Variants in CUBN observed in about 807,000 individuals in gnomAD.
The protein encoded by CUBN is 460 kDa receptor.
In CUBN, 282 loss-of-function variants were observed where a neutral mutation model predicts 405.3. The ratio of observed to expected loss-of-function variants is 0.70; its 90% CI spans 0.63 to 0.77. The LOEUF (loss-of-function observed/expected upper bound fraction) is 0.77. CUBN is among the 30% of genes least tolerant of loss of function. The probability of loss-of-function intolerance (pLI) is 0.00; values close to 1 mark genes in which losing one functional copy is unlikely to be tolerated. For synonymous variants in CUBN, 1,684 were observed against 1,617.0 expected (o/e 1.04, Z -0.99); for missense variants, 4,514 against 4,475.2 (o/e 1.01, Z -0.25).
Position 17,085,735 on chromosome 10 carries a change from C to G in CUBN, c.1972G>C (p.Asp658His). Reference sequence around the variant, plus strand: ...GTGCAGAACTTCCCAAGAAGGGGGTCCTGATACAAAGGACCATCTCGAATC... The same window carrying G: ...GTGCAGAACTTCCCAAGAAGGGGGTGCTGATACAAAGGACCATCTCGAATC... ...LEIRDGPLYQ[D>H]PLLGKFCTTF... The change falls in exon 16 of 67, where the codon GAC becomes CAC. Residue 658 changes from aspartate to histidine, a missense_variant. Physicochemically the swap from Asp to His is moderately conservative, Grantham distance 81 (BLOSUM62 -1). Coordinates refer to ENST00000377833, the MANE Select transcript of CUBN (RefSeq NM_001081.4). The G allele has an allele frequency of 6.2e-7, 1 of 1,613,864 alleles. No individual in the cohort carries two copies. The highest frequency in any genetic ancestry group is 8.5e-7 in the Non-Finnish European group (1 of 1,179,928).
chr10:17,074,766 T>A (rs533662943), intron 17 of CUBN, among the ~76,000 whole-genome samples: 1 of 152,230 alleles, frequency 6.6e-6, no homozygotes, highest in Non-Finnish European at 1.5e-5. Context: ...TTTCAGATAC[T>A]GAAATAAATG....
At chr10:16,866,384 A>G (rs1840184031) in intron 59 of CUBN, among the ~76,000 whole-genome samples, 1 of 152,146 alleles carries the variant, frequency 6.6e-6, no homozygotes, top group East Asian at 1.9e-4. Flanking sequence ...GTGTGAAGTG[A>G]TTTGTACAGG....
At chr10:17,077,606 T>C (rs528846930) in intron 17 of CUBN, among the ~76,000 whole-genome samples, 47 of 152,322 alleles carry the variant, frequency 3.1e-4, no homozygotes, top group African/African-American at 6.7e-4. Context: ...ATCTGAGAGC[T>C]GAAAAGAGAA....
chr10:16,951,811 T>C (rs924667651), intron 33 of CUBN, among the ~76,000 whole-genome samples: 3 of 152,216 alleles, frequency 2.0e-5, no homozygotes, highest in African/African-American at 7.2e-5. Flanking sequence ...GGTGCGCGCA[T>C]TGCATTCTGG....
intron 51 of CUBN, 76 bp downstream of exon 51, chr10:16,903,890 A>G: frequency 1.9e-6 from 2 of 1,050,184 alleles, no homozygotes; most frequent in East Asian, 2.8e-5. Flanking sequence ...CTAACAAAAT[A>G]TATATGAAAT....
rs143931650 is a variant in CUBN at position 17,012,349 on chromosome 10, G to A, written c.4168+7484C>T. ...AGAAGCTTTTTCCTGTAAATGCTGCGTGGCATCTCGTACTATCCCTGACTG... is the reference window on the plus strand; with the variant it reads ...AGAAGCTTTTTCCTGTAAATGCTGCATGGCATCTCGTACTATCCCTGACTG... On this transcript the variant is annotated intron_variant, in intron 28 of 66. Coordinates refer to ENST00000377833, the MANE Select transcript of CUBN (RefSeq NM_001081.4). 3.2e-4 allele frequency among the ~76,000 whole-genome samples: 48 copies of A among 152,028 alleles called. No individual in the cohort carries two copies. In the East Asian group the frequency reaches 5.8e-3, roughly 18 times the overall value.
At chr10:17,095,588 G>A (rs1159822586) in intron 14 of CUBN, among the ~76,000 whole-genome samples, 5 of 151,926 alleles carry the variant, frequency 3.3e-5, no homozygotes, top group South Asian at 2.1e-4. Flanking sequence ...GGCCATTATC[G>A]AGAAGATAAA....
chr10:16,954,550 T>TA lies in CUBN; in HGVS notation c.4696-3dup. ...TGTGGAGCTTAAGCCATCGTATGCC[T>TA]ACAAGAAAGGAGACAGGGCAAACAG... On this transcript the variant is annotated splice_polypyrimidine_tract_variant and splice_region_variant and intron_variant, in intron 31 of 66. Transcript: ENST00000377833. The TA allele has an allele frequency of 6.2e-7, 1 of 1,613,120 alleles. No individual in the cohort carries two copies. Among genetic ancestry groups the TA allele is most frequent in the Non-Finnish European group, 8.5e-7 (1 of 1,179,956 alleles).
chr10:16,947,454 T>C, intron 35 of CUBN, 87 bp from the exon 36 acceptor site: 1 of 1,335,792 alleles, frequency 7.5e-7, no homozygotes, highest in Non-Finnish European at 1.1e-6. Context: ...CTAGAGCCAT[T>C]ATCAATGTAA....
chr10:17,059,740 C>G (rs1835463070), intron 22 of CUBN, among the ~76,000 whole-genome samples: 1 of 152,208 alleles, frequency 6.6e-6, no homozygotes, highest in African/African-American at 2.4e-5. Context: ...CATTTTGCTA[C>G]AATTTTCTGC....
In CUBN at chr10:16,900,860, A is replaced by G. The variant is rs750628999; in HGVS notation, c.8185-10T>C. The G allele has an allele frequency of 1.3e-6, 2 of 1,590,826 alleles. No individual in the cohort carries two copies. Among genetic ancestry groups the G allele is most frequent in the South Asian group, 2.2e-5 (2 of 89,938 alleles). On this transcript the variant is annotated splice_polypyrimidine_tract_variant and intron_variant, in intron 52 of 66. Coordinates refer to ENST00000377833, the MANE Select transcript of CUBN (RefSeq NM_001081.4). ...AGTCACTAAATGTGAGCTGCAGGAG[A>G]AAAAAGAAAATGGTTGTCAGTGAGC...
At chr10:17,108,381 ATGTGTGTG>A (rs34953406) in intron 10 of CUBN, among the ~76,000 whole-genome samples, 21 of 150,942 alleles carry the variant, frequency 1.4e-4, no homozygotes, top group Middle Eastern at 6.8e-3. Context: ...TCACAAGTAT[ATGTGTGTG>A]TGTGTGTGTG....
Position 17,126,751 on chromosome 10 carries a change from T to A in CUBN, c.387+10A>T, listed in dbSNP as rs755059748. 28 of 1,613,700 alleles carry A rather than the reference T, an allele frequency of 1.7e-5. No individual in the cohort carries two copies. Among genetic ancestry groups the A allele is most frequent in the Non-Finnish European group, 1.9e-5 (23 of 1,179,676 alleles). ...TGAAAGATTTGGGTATGTAGTAGCA[T>A]GAGACCTACCTGCTGCAAGCCTTGG... On this transcript the variant is annotated intron_variant, in intron 4 of 66. Transcript: ENST00000377833.
intron 27 of CUBN, among the ~76,000 whole-genome samples, chr10:17,030,876 G>A (rs376910402): frequency 1.3e-5 from 2 of 151,962 alleles, no homozygotes; most frequent in African/African-American, 4.8e-5. Context: ...CCAAGATTAC[G>A]CCACTGCACT....
chr10:16,884,904 G>C (rs1389895631), intron 56 of CUBN, among the ~76,000 whole-genome samples: 1 of 144,588 alleles, frequency 6.9e-6, no homozygotes, highest in Non-Finnish European at 1.6e-5. Context: ...GGCTCTGCTG[G>C]GATCCTGGGC....
Position 16,828,891 on chromosome 10 carries a change from C to T in CUBN, c.10678G>A (p.Asp3560Asn), listed in dbSNP as rs768846551. Residue 3560 changes from aspartate (D) to asparagine (N), a missense_variant, in exon 66 of 67, where the codon GAT becomes AAT. Transcript: ENST00000377833. The stretch of plus-strand genomic sequence containing the variant: ...TAGTTCTGGACACAGTCTCCTGGAT[C>T]GTCAATGCTGATGAAGTAGAAGTTG... Reference protein sequence around the residue: ...TINFYFISIDDPGDCVQNYLT... With the variant: ...TINFYFISIDNPGDCVQNYLT... 1.4e-5 allele frequency: 22 copies of T among 1,613,992 alleles called. No individual in the cohort carries two copies. Among genetic ancestry groups the T allele is most frequent in the Admixed American group, 3.3e-5 (2 of 59,994 alleles).
In CUBN at chr10:17,109,716, T is replaced by C; in HGVS notation, c.1035A>G (p.Arg345=). The C allele has an allele frequency of 6.2e-7, 1 of 1,613,822 alleles. No individual in the cohort carries two copies. Among genetic ancestry groups the C allele is most frequent in the South Asian group, 1.1e-5 (1 of 91,046 alleles). Residue 345 remains arginine (R), a synonymous_variant, in exon 10 of 67, where the codon AGA becomes AGG. Transcript: ENST00000377833. ...AGCAGATGTCTGTGAGTGTGCACACTCTTCCGTCACCCTGGTACCCTGATG... is the reference window on the plus strand; with the variant it reads ...AGCAGATGTCTGTGAGTGTGCACACCCTTCCGTCACCCTGGTACCCTGATG... ...ACPPGYQGDG[R]VCTLTDICSV...
At chr10:17,126,649 A>T in intron 4 of CUBN, 112 bp downstream of exon 4, 1 of 1,199,680 alleles carries the variant, frequency 8.3e-7, no homozygotes, top group Non-Finnish European at 1.2e-6. Context: ...GGGAAAAAGC[A>T]AGTTTTTAAT....
chr10:17,072,048 G>A, intron 17 of CUBN, 77 bp from the exon 18 acceptor site: 1 of 1,141,456 alleles, frequency 8.8e-7, no homozygotes, highest in Non-Finnish European at 1.3e-6. Context: ...ACTTGGAGAT[G>A]AAAAAATGGC....
Sources: allele counts gnomAD v4.1 joint callset (sites outside exome capture counted in the v4.1 genomes callset), GRCh38; gene constraint gnomAD v4.1.1; transcripts MANE v1.5; gene names NCBI Gene and HGNC (gene_info 2026-07-23, HGNC 2026-07-21).